Variants in ANKFN1 observed in about 807,000 individuals in gnomAD.
ANKFN1 encodes the protein ankyrin repeat and fibronectin type III domain containing 1.
Under a neutral mutation model 108.7 loss-of-function variants are expected in ANKFN1, and 74 were observed. The ratio of observed to expected loss-of-function variants is 0.68; its 90% CI spans 0.56 to 0.83. The LOEUF (loss-of-function observed/expected upper bound fraction) is 0.83. Among genes scored for constraint, ANKFN1 ranks in the 40% least tolerant of loss-of-function variants. The pLI is 0.00. For synonymous variants in ANKFN1, 547 were observed against 516.2 expected (o/e 1.06, Z -0.81); for missense variants, 1,505 against 1,382.3 (o/e 1.09, Z -1.41).
chr17:56,515,767 CT>C lies in ANKFN1; in HGVS notation c.*4499del, dbSNP rs2051898737. 6.6e-6 allele frequency among the ~76,000 whole-genome samples: 1 copy of C among 152,226 alleles called. No individual in the cohort carries two copies. Among genetic ancestry groups the C allele is most frequent in the Admixed American group, 6.5e-5 (1 of 15,286 alleles). On this transcript the variant is annotated 3_prime_UTR_variant, in exon 21 of 21. Transcript: ENST00000682825. ...ATATTTCGGGTCTCTGCTTTTTCCACTGCATCTGCACACAGTAGTTATATTT... is the reference window on the plus strand; with the variant it reads ...ATATTTCGGGTCTCTGCTTTTTCCACGCATCTGCACACAGTAGTTATATTT...
intron 8 of ANKFN1, among the ~76,000 whole-genome samples, chr17:56,433,222 G>T (rs2048818759): frequency 1.3e-5 from 2 of 151,990 alleles, no homozygotes; most frequent in African/African-American, 2.4e-5. Flanking sequence ...CCAAATGGTG[G>T]CTGCAATTAA....
In ANKFN1 at chr17:56,243,824, C is replaced by T. The variant is rs557853021; in HGVS notation, c.53+15867C>T. ...TAAATCTGGAATTAGGTTTAATCTC[C>T]AAATGAACTAAGGAGTGTTTCAAGA... On this transcript the variant is annotated intron_variant, in intron 3 of 20. Coordinates refer to ENST00000682825, the MANE Select transcript of ANKFN1 (RefSeq NM_001370326.1). 7.9e-5 allele frequency among the ~76,000 whole-genome samples: 12 copies of T among 152,208 alleles called. No homozygotes were observed. In the East Asian group the frequency reaches 2.3e-3, roughly 29 times the overall value.
chr17:56,481,522 A>G (rs2050702603), intron 17 of ANKFN1, among the ~76,000 whole-genome samples: 1 of 152,044 alleles, frequency 6.6e-6, no homozygotes, highest in South Asian at 2.1e-4. Flanking sequence ...GCACACACAC[A>G]CACATAATGA....
intron 3 of ANKFN1, among the ~76,000 whole-genome samples, chr17:56,298,918 A>G (rs930811965): frequency 6.6e-6 from 1 of 152,230 alleles, no homozygotes; most frequent in Non-Finnish European, 1.5e-5. Context: ...CAGAAGATAC[A>G]GCCAATATCA....
intron 4 of ANKFN1, among the ~76,000 whole-genome samples, chr17:56,053,464 G>T (rs1904813022): frequency 6.6e-6 from 1 of 152,130 alleles, no homozygotes; most frequent in African/African-American, 2.4e-5. Context: ...TTCTCTCCAT[G>T]ACATTGCAAA....
intron 8 of ANKFN1, among the ~76,000 whole-genome samples, chr17:56,410,164 CA>C (rs2048045375): frequency 6.6e-6 from 1 of 152,210 alleles, no homozygotes; most frequent in African/African-American, 2.4e-5. Flanking sequence ...CGGCTCACTG[CA>C]ACCTCCACCT....
rs773848793 is a variant in ANKFN1 at position 56,227,951 on chromosome 17, G to A, written c.47G>A (p.Ser16Asn). 3.7e-6 allele frequency: 6 copies of A among 1,605,578 alleles called. No homozygotes were observed. Among genetic ancestry groups the A allele is most frequent in the Non-Finnish European group, 5.1e-6 (6 of 1,177,286 alleles). The change falls in exon 3 of 21, where the codon AGC becomes AAC. Residue 16 changes from serine (S) to asparagine (N), a missense_variant. By Grantham distance (46) the Ser-to-Asn change is conservative. Transcript: ENST00000682825. The part of the protein sequence containing the change: ...LLFKDRHFTC[S>N]KIIGRRFACF... The stretch of plus-strand genomic sequence containing the variant: ...TTTAAAGACAGGCATTTTACTTGCA[G>A]CAAAATGTAAGTACATTTCCTCCTT...
chr17:56,153,037 A>G (rs182133932), upstream of ANKFN1, among the ~76,000 whole-genome samples: 1 of 152,276 alleles, frequency 6.6e-6, no homozygotes, highest in East Asian at 1.9e-4. Flanking sequence ...ATAATTGTTT[A>G]CCTGATTAGT....
chr17:56,305,500 T>G (rs2044795782), intron 3 of ANKFN1, among the ~76,000 whole-genome samples: 3 of 152,196 alleles, frequency 2.0e-5, no homozygotes, highest in African/African-American at 4.8e-5. Context: ...GCATATTTGG[T>G]TTTTATGGTT....
Position 56,237,901 on chromosome 17 carries a change from A to T in ANKFN1, c.53+9944A>T, listed in dbSNP as rs533394948. ...AATTTGAAATCTTTCTAACTTTTTGATGTGGGAGTTTAGTGCTATAAATTT... is the reference window on the plus strand; with the variant it reads ...AATTTGAAATCTTTCTAACTTTTTGTTGTGGGAGTTTAGTGCTATAAATTT... On this transcript the variant is annotated intron_variant, in intron 3 of 20. Coordinates refer to ENST00000682825, the MANE Select transcript of ANKFN1 (RefSeq NM_001370326.1). 1.0e-3 allele frequency among the ~76,000 whole-genome samples: 153 copies of T among 152,102 alleles called. 1 individual carries two copies. Among genetic ancestry groups the T allele is most frequent in the Non-Finnish European group, 1.9e-3 (131 of 67,966 alleles).
At chr17:56,079,554 A>G (rs975556956) in intron 4 of ANKFN1, among the ~76,000 whole-genome samples, 1 of 152,202 alleles carries the variant, frequency 6.6e-6, no homozygotes, top group Admixed American at 6.5e-5. Flanking sequence ...AAAGAAGAGG[A>G]GAGGAAAGAC....
Position 56,082,260 on chromosome 17 carries a change from T to C in ANKFN1, c.288+35935T>C, listed in dbSNP as rs184167671. ...GCTGCTTCCTGATACAACCAAGTTT[T>C]TGTTGTTGTTGTTGTTGTTTTGTTT... On this transcript the variant is annotated intron_variant, in intron 4 of 12. Transcript: ENST00000635860. Among the ~76,000 whole-genome samples, 601 of 114,702 alleles carry C rather than the reference T, an allele frequency of 5.2e-3. 2 individuals carry two copies. Among genetic ancestry groups the C allele is most frequent in the Non-Finnish European group, 7.6e-3 (439 of 57,400 alleles). The allele number at this position is 114,702 out of a possible 152,430, so 75.2% of individuals were successfully genotyped here. A position where few individuals can be genotyped will look rare whatever the true frequency, so the allele number is the denominator to read the frequency against.
chr17:56,108,687 CA>C (rs369315477), intron 4 of ANKFN1, among the ~76,000 whole-genome samples: 4 of 152,206 alleles, frequency 2.6e-5, no homozygotes, highest in African/African-American at 9.7e-5. Context: ...CAACAACTAA[CA>C]ATCCTAATTT....
At chr17:56,256,034 A>G (rs2043349069) in intron 3 of ANKFN1, among the ~76,000 whole-genome samples, 1 of 152,112 alleles carries the variant, frequency 6.6e-6, no homozygotes. Flanking sequence ...AATAAATAAA[A>G]TATAGAGATA....
intron 19 of ANKFN1, 48 bp downstream of exon 19, chr17:56,492,401 G>A: frequency 1.5e-6 from 1 of 688,640 alleles, no homozygotes. Flanking sequence ...AAGAGGCAGG[G>A]TGGAAAGGGT....
At chr17:56,503,451 A>T (rs1415006443) in intron 20 of ANKFN1, among the ~76,000 whole-genome samples, 4 of 143,358 alleles carry the variant, frequency 2.8e-5, no homozygotes, top group Non-Finnish European at 6.0e-5. Flanking sequence ...GTCTACTCAA[A>T]CACAGTGGAA....
chr17:56,282,163 A>G (rs775590188), intron 3 of ANKFN1, among the ~76,000 whole-genome samples: 5 of 152,238 alleles, frequency 3.3e-5, no homozygotes, highest in African/African-American at 4.8e-5. Flanking sequence ...AACTACTAAT[A>G]CAAACAACAG....
chr17:56,189,639 T>C (rs1912682093), intron 1 of ANKFN1, among the ~76,000 whole-genome samples: 1 of 152,174 alleles, frequency 6.6e-6, no homozygotes, highest in South Asian at 2.1e-4. Context: ...CTGTGGGATC[T>C]AATGCCAGCT....
chr17:56,448,995 C>A, intron 10 of ANKFN1, 84 bp from the exon 11 acceptor site: 2 of 1,198,904 alleles, frequency 1.7e-6, no homozygotes, highest in Non-Finnish European at 2.4e-6. Flanking sequence ...GTAGTATGAG[C>A]AAAACTCCGG....
Sources: allele counts gnomAD v4.1 joint callset (sites outside exome capture counted in the v4.1 genomes callset), GRCh38; gene constraint gnomAD v4.1.1; transcripts MANE v1.5; gene names NCBI Gene and HGNC (gene_info 2026-07-23, HGNC 2026-07-21).